The following JAK1 variants were observed in gnomAD, a reference collection of about 807,000 sequenced individuals.
The protein encoded by JAK1 is Janus kinase 1, also known as tyrosine-protein kinase JAK1.
A neutral mutation model predicts 136.6 loss-of-function variants in JAK1; 16 were observed. The observed-to-expected ratio is 0.12, with a 90% confidence interval of 0.08 to 0.18. JAK1 has a LOEUF of 0.18. Among genes scored for constraint, JAK1 ranks in the 10% least tolerant of loss-of-function variants. JAK1 has a pLI of 1.00. For synonymous variants in JAK1, 492 were observed against 519.5 expected (o/e 0.95, Z 0.72); for missense variants, 859 against 1,450.1 (o/e 0.59, Z 6.62).
At chr1:65,066,154 G>C (rs929331657) in intron 1 of JAK1, among the ~76,000 whole-genome samples, 3 of 152,290 alleles carry the variant, frequency 2.0e-5, no homozygotes, top group Middle Eastern at 6.8e-3. Context: ...CACAGGTGTG[G>C]TCTTTCTCCA....
chr1:64,959,310 T>C (rs1259956394), intron 1 of JAK1, among the ~76,000 whole-genome samples: 1 of 152,238 alleles, frequency 6.6e-6, no homozygotes, highest in Non-Finnish European at 1.5e-5. Context: ...TTGCACACTT[T>C]TACATTTTGG....
At chr1:65,067,384 A>T (rs1453303596) in intron 1 of JAK1, among the ~76,000 whole-genome samples, 1 of 148,284 alleles carries the variant, frequency 6.7e-6, no homozygotes, top group Non-Finnish European at 1.5e-5. Context: ...TGTGCGCCCC[A>T]CGGCTTCCCG....
intron 7 of JAK1, among the ~76,000 whole-genome samples, chr1:64,865,174 T>C (rs1438686357): frequency 6.6e-6 from 1 of 152,298 alleles, no homozygotes; most frequent in East Asian, 1.9e-4. Flanking sequence ...TCCTGGGCTT[T>C]CATATCTGGA....
At chr1:65,065,766 G>A (rs1333224446) in intron 1 of JAK1, among the ~76,000 whole-genome samples, 1 of 150,772 alleles carries the variant, frequency 6.6e-6, no homozygotes, top group Non-Finnish European at 1.5e-5. Flanking sequence ...GCTTAGGCCT[G>A]GCTCTGGGTT....
At chr1:64,995,656 C>A (rs547448945) in intron 2 of JAK1, among the ~76,000 whole-genome samples, 12 of 152,234 alleles carry the variant, frequency 7.9e-5, no homozygotes, top group African/African-American at 2.9e-4. Context: ...TCAGTTGAGC[C>A]TTATACAGAT....
At chr1:65,023,251 C>T (rs567733947) in intron 2 of JAK1, among the ~76,000 whole-genome samples, 37 of 151,908 alleles carry the variant, frequency 2.4e-4, no homozygotes, top group Non-Finnish European at 4.4e-4. Flanking sequence ...CACAGGCATA[C>T]GTAGCCATAC....
rs773289462 is a variant in JAK1, at chr1:64,878,559, G to GTGTGTATATATA, written c.329+465_329+466insTATATATACACA. ...ATATCATGACCTTTATATATATAGTGTGTATATATATATATATATATATAT... is the reference window on the plus strand; with the variant it reads ...ATATCATGACCTTTATATATATAGTGTGTGTATATATATGTATATATATATATATATATATAT... On this transcript the variant is annotated intron_variant, in intron 4 of 24. Transcript: ENST00000342505. 6.3e-5 allele frequency among the ~76,000 whole-genome samples: 5 copies of GTGTGTATATATA among 79,262 alleles called. 1 individual carries two copies. The East Asian group carries it at 1.9e-3, about 29-fold the overall frequency. The allele number at this position is 79,262 out of a possible 152,430, so 52.0% of individuals were successfully genotyped here. A position where few individuals can be genotyped will look rare whatever the true frequency, so the allele number is the denominator to read the frequency against.
chr1:64,971,652 G>A (rs1402788346), intron 2 of JAK1, among the ~76,000 whole-genome samples: 4 of 151,494 alleles, frequency 2.6e-5, no homozygotes, highest in Non-Finnish European at 4.4e-5. Context: ...TCTGCCTCCC[G>A]AGTTCAAGCG....
chr1:64,840,364 A>C (rs915939323), intron 19 of JAK1, among the ~76,000 whole-genome samples: 4 of 152,220 alleles, frequency 2.6e-5, no homozygotes, highest in Non-Finnish European at 5.9e-5. Flanking sequence ...GGCACACAGC[A>C]GATCCTGGAG....
At chr1:65,053,593 G>C (rs1338235850) in intron 1 of JAK1, among the ~76,000 whole-genome samples, 1 of 152,242 alleles carries the variant, frequency 6.6e-6, no homozygotes, top group Non-Finnish European at 1.5e-5. Flanking sequence ...GCCTAGGCCT[G>C]TAATCCCAGC....
chr1:64,988,273 T>A (rs1401998543), intron 2 of JAK1, among the ~76,000 whole-genome samples: 2 of 152,190 alleles, frequency 1.3e-5, no homozygotes, highest in African/African-American at 4.8e-5. Flanking sequence ...AATTAGCCCT[T>A]CCCATATTCC....
At chr1:65,029,273 T>C (rs957823237) in intron 2 of JAK1, among the ~76,000 whole-genome samples, 1 of 152,144 alleles carries the variant, frequency 6.6e-6, no homozygotes, top group South Asian at 2.1e-4. Context: ...ATTTTTTTTG[T>C]ATTTTTTGTA....
At position 64,838,119 on chromosome 1, in the gene JAK1, TAA is replaced by T. The variant is rs777405619; in HGVS notation, c.2968-17_2968-16del. On this transcript the variant is annotated splice_polypyrimidine_tract_variant and intron_variant, in intron 21 of 24. Transcript: ENST00000342505. ...TAGTCCATCCCCTGAGAGAGAGAAG[TAA>T]AAGTCAAGCACATTGCTAAAGTCAC... is the stretch of plus-strand genomic sequence containing the variant. The T allele has an allele frequency of 6.2e-7, 1 of 1,607,234 alleles. No individual in the cohort carries two copies. Among genetic ancestry groups the T allele is most frequent in the Non-Finnish European group, 8.5e-7 (1 of 1,175,444 alleles).
chr1:64,930,291 TAAAC>T (rs1485976764), intron 1 of JAK1, among the ~76,000 whole-genome samples: 1 of 148,638 alleles, frequency 6.7e-6, no homozygotes, highest in Non-Finnish European at 1.5e-5. Flanking sequence ...ACAAAAAACT[TAAAC>T]AAATTTATAA....
intron 1 of JAK1, among the ~76,000 whole-genome samples, chr1:64,902,177 C>T (rs1339125913): frequency 6.6e-6 from 1 of 152,158 alleles, no homozygotes; most frequent in Non-Finnish European, 1.5e-5. Flanking sequence ...GGCTCAAAGA[C>T]ATTACATAAT....
intron 2 of JAK1, among the ~76,000 whole-genome samples, chr1:65,011,494 A>T (rs930219534): frequency 6.6e-6 from 1 of 152,130 alleles, no homozygotes; most frequent in Non-Finnish European, 1.5e-5. Flanking sequence ...ACAAAAAACC[A>T]GCTTCCGATA....
At chr1:64,905,980 C>G (rs1645184553) in intron 1 of JAK1, among the ~76,000 whole-genome samples, 1 of 152,184 alleles carries the variant, frequency 6.6e-6, no homozygotes, top group African/African-American at 2.4e-5. Flanking sequence ...TTGCATGGTT[C>G]AAATGCCACA....
At chr1:65,046,872 CTTT>C (rs770524663) in intron 1 of JAK1, among the ~76,000 whole-genome samples, 4 of 113,386 alleles carry the variant, frequency 3.5e-5, no homozygotes, top group Admixed American at 1.9e-4. Context: ...GCCCCAACCT[CTTT>C]TTTTTTTTTT....
At chr1:64,901,024 A>G (rs56125796) in intron 1 of JAK1, among the ~76,000 whole-genome samples, 11,069 of 152,252 alleles carry the variant, frequency 0.073, 574 homozygotes, top group Non-Finnish European at 0.098. Context: ...TTACCTTTGG[A>G]GTAGCACTTA....
Sources: gnomAD v4.1 joint callset for allele counts (sites outside exome capture counted in the v4.1 genomes callset) on GRCh38, gnomAD v4.1.1 for gene constraint, MANE v1.5 for transcripts, NCBI Gene and HGNC (gene_info 2026-07-23, HGNC 2026-07-21) for gene names.